The following PPARGC1A variants were observed in gnomAD, a reference collection of about 807,000 sequenced individuals.
The protein encoded by PPARGC1A is peroxisome proliferator-activated receptor gamma coactivator 1-alpha.
A neutral mutation model predicts 88.7 loss-of-function variants in PPARGC1A; 25 were observed. The ratio of observed to expected loss-of-function variants is 0.28; its 90% CI spans 0.21 to 0.39. The LOEUF (loss-of-function observed/expected upper bound fraction) is 0.39. PPARGC1A is among the 10% of genes least tolerant of loss of function. The pLI, the probability that PPARGC1A is intolerant of heterozygous loss-of-function variation, is 1.00. For missense variants in PPARGC1A, 880 were observed against 968.7 expected (o/e 0.91, Z 1.22); for synonymous variants, 363 against 355.6 (o/e 1.02, Z -0.24).
At chr4:23,900,355 T>C (rs934451259), upstream of PPARGC1A, among the ~76,000 whole-genome samples, 4 of 152,170 alleles carry the variant, frequency 2.6e-5, no homozygotes, top group Non-Finnish European at 4.4e-5. Flanking sequence ...GACTTTGGGG[T>C]CAGACAATGT....
the PPARGC1A span, among the ~76,000 whole-genome samples, chr4:24,250,121 T>G: frequency 6.6e-6 from 1 of 152,160 alleles, no homozygotes; most frequent in Admixed American, 6.5e-5. Context: ...TCTCTAGATA[T>G]GAGGACCAGG....
chr4:24,175,137 A>G, the PPARGC1A span, among the ~76,000 whole-genome samples: 2 of 152,180 alleles, frequency 1.3e-5, no homozygotes, highest in Admixed American at 1.3e-4. Flanking sequence ...GAATGCCATT[A>G]GAAAACATAT....
At chr4:24,237,872 G>A in the PPARGC1A span, among the ~76,000 whole-genome samples, 1 of 152,188 alleles carries the variant, frequency 6.6e-6, no homozygotes, top group Non-Finnish European at 1.5e-5. Flanking sequence ...CATAGCGACA[G>A]AACTCAGGAC....
At chr4:23,826,797 T>G (rs57720586) in intron 5 of PPARGC1A, among the ~76,000 whole-genome samples, 4,376 of 152,092 alleles carry the variant, frequency 0.029, 217 homozygotes, top group African/African-American at 0.1. Flanking sequence ...CAGTCTCATC[T>G]AAAGAAAATT....
the PPARGC1A span, among the ~76,000 whole-genome samples, chr4:24,402,247 A>T: frequency 6.6e-6 from 1 of 152,120 alleles, no homozygotes; most frequent in Non-Finnish European, 1.5e-5. Context: ...GTGGAGAGAG[A>T]TACTCCTCAG....
At chr4:24,009,150 A>AAAAAAAAAAAAAAAGAG in the PPARGC1A span, among the ~76,000 whole-genome samples, 4 of 79,798 alleles carry the variant, frequency 5.0e-5, no homozygotes, top group Non-Finnish European at 8.9e-5. Context: ...AAAAAAAAAA[A>AAAAAAAAAAAAAAAGAG]AGAGAGAGAA....
At chr4:24,020,977 G>A in the PPARGC1A span, among the ~76,000 whole-genome samples, 1 of 152,164 alleles carries the variant, frequency 6.6e-6, no homozygotes, top group African/African-American at 2.4e-5. Flanking sequence ...CTTAGCATTG[G>A]TGAGGCTGCA....
chr4:23,986,331 C>T, the PPARGC1A span, among the ~76,000 whole-genome samples: 1 of 152,072 alleles, frequency 6.6e-6, no homozygotes, highest in Non-Finnish European at 1.5e-5. Context: ...TGGCATTCTT[C>T]ATCAATTAAA....
At chr4:24,151,815 C>G in the PPARGC1A span, among the ~76,000 whole-genome samples, 1 of 152,112 alleles carries the variant, frequency 6.6e-6, no homozygotes, top group African/African-American at 2.4e-5. Context: ...CTATGGCATC[C>G]CAAATAGGTC....
the PPARGC1A span, among the ~76,000 whole-genome samples, chr4:24,129,126 C>T: frequency 6.6e-6 from 1 of 152,164 alleles, no homozygotes; most frequent in Non-Finnish European, 1.5e-5. Flanking sequence ...GTGTTCTTGT[C>T]ATCTGAAGCA....
chr4:24,374,251 G>A, the PPARGC1A span, among the ~76,000 whole-genome samples: 10 of 152,246 alleles, frequency 6.6e-5, no homozygotes, highest in East Asian at 1.9e-3. Flanking sequence ...CTCTATCCCT[G>A]GCTGCTGGTC....
the PPARGC1A span, among the ~76,000 whole-genome samples, chr4:24,240,948 C>T: frequency 6.6e-6 from 1 of 152,130 alleles, no homozygotes; most frequent in South Asian, 2.1e-4. Context: ...CCCCTCTCAT[C>T]CAAAGATACA....
At chr4:24,173,206 T>C in the PPARGC1A span, among the ~76,000 whole-genome samples, 1 of 152,058 alleles carries the variant, frequency 6.6e-6, no homozygotes, top group Non-Finnish European at 1.5e-5. Context: ...GTTGAAGGAT[T>C]GGCCTAAATG....
the PPARGC1A span, among the ~76,000 whole-genome samples, chr4:23,990,516 A>G: frequency 6.6e-6 from 1 of 152,072 alleles, no homozygotes; most frequent in Non-Finnish European, 1.5e-5. Flanking sequence ...ACATGCTTCC[A>G]TGAAACATAA....
the PPARGC1A span, among the ~76,000 whole-genome samples, chr4:23,982,639 C>T: frequency 1.3e-5 from 2 of 152,074 alleles, no homozygotes; most frequent in Admixed American, 6.6e-5. Context: ...TTCTCAACAG[C>T]CTACAAATAA....
At chr4:24,031,548 GA>G in the PPARGC1A span, among the ~76,000 whole-genome samples, 2 of 152,152 alleles carry the variant, frequency 1.3e-5, no homozygotes, top group African/African-American at 4.8e-5. Flanking sequence ...TAGTTGACCC[GA>G]AAACACAAGG....
the PPARGC1A span, among the ~76,000 whole-genome samples, chr4:24,410,583 T>C: frequency 6.6e-6 from 1 of 152,214 alleles, no homozygotes; most frequent in African/African-American, 2.4e-5. Context: ...TGTTAGGATG[T>C]TGCCAAAGGA....
chr4:24,271,478 C>A, the PPARGC1A span, among the ~76,000 whole-genome samples: 1 of 152,026 alleles, frequency 6.6e-6, no homozygotes, highest in Non-Finnish European at 1.5e-5. Flanking sequence ...CCCAGGTTCA[C>A]GCCATTCTCC....
chr4:23,992,421 C>A, the PPARGC1A span, among the ~76,000 whole-genome samples: 1 of 152,036 alleles, frequency 6.6e-6, no homozygotes, highest in East Asian at 1.9e-4. Context: ...CACATGATCT[C>A]ATTTAGCCTA....
Sources: gnomAD v4.1 joint callset for allele counts (sites outside exome capture counted in the v4.1 genomes callset) on GRCh38, gnomAD v4.1.1 for gene constraint, MANE v1.5 for transcripts, NCBI Gene and HGNC (gene_info 2026-07-23, HGNC 2026-07-21) for gene names.